The following MBNL1 variants were observed in gnomAD, a reference collection of about 807,000 sequenced individuals.
MBNL1 encodes muscleblind-like protein 1.
In MBNL1, 8 loss-of-function variants were observed where a neutral mutation model predicts 42.2. The observed-to-expected ratio is 0.19, with a 90% CI of 0.11 to 0.34. The LOEUF (loss-of-function observed/expected upper bound fraction) is 0.34. Among genes scored for constraint, MBNL1 ranks in the 10% least tolerant of loss-of-function variants. The probability of loss-of-function intolerance (pLI) is 1.00; values close to 1 mark genes in which losing one functional copy is unlikely to be tolerated. For synonymous variants in MBNL1, 169 were observed against 173.9 expected (o/e 0.97, Z 0.22); for missense variants, 309 against 495.3 (o/e 0.62, Z 3.57).
At chr3:152,286,984 C>T (rs2052808372) in intron 1 of MBNL1, among the ~76,000 whole-genome samples, 1 of 152,046 alleles carries the variant, frequency 6.6e-6, no homozygotes, top group Admixed American at 6.6e-5. Context: ...CTTTGGGAGG[C>T]CGAGGCGGGT....
At chr3:152,399,261 C>G (rs1342110642) in intron 2 of MBNL1, among the ~76,000 whole-genome samples, 1 of 152,076 alleles carries the variant, frequency 6.6e-6, no homozygotes, top group Admixed American at 6.5e-5. Context: ...GCCTGCCTTG[C>G]CTTGCCTTCT....
intron 2 of MBNL1, among the ~76,000 whole-genome samples, chr3:152,371,341 T>C (rs1034631771): frequency 9.2e-5 from 14 of 152,320 alleles, no homozygotes; most frequent in Non-Finnish European, 1.8e-4. Flanking sequence ...CTCATGTGTG[T>C]AATCCCAGCA....
chr3:152,381,910 A>G (rs971117826), intron 2 of MBNL1, among the ~76,000 whole-genome samples: 5 of 152,160 alleles, frequency 3.3e-5, no homozygotes, highest in African/African-American at 1.2e-4. Flanking sequence ...CCTATACTTC[A>G]GTTTTTCAAC....
intron 2 of MBNL1, among the ~76,000 whole-genome samples, chr3:152,376,529 TG>T (rs1640350073): frequency 6.6e-6 from 1 of 152,228 alleles, no homozygotes; most frequent in South Asian, 2.1e-4. Flanking sequence ...ATGTTTATGG[TG>T]GACAAGACTT....
In MBNL1 at chr3:152,318,069, A is replaced by C. The variant is rs192223123; in HGVS notation, c.174+17702A>C. ...TGTGTTGTTACAGGATACAGAGAAA[A>C]TTGATGGTCAACCTTAGCCTGTAGT... On this transcript the variant is annotated intron_variant, in intron 2 of 9. Transcript: ENST00000324210. 1.6e-4 allele frequency among the ~76,000 whole-genome samples: 25 copies of C among 152,316 alleles called. 1 individual carries two copies. The highest frequency in any genetic ancestry group is 1.6e-3 in the Admixed American group (25 of 15,298).
chr3:152,393,431 A>G (rs1379360281), intron 2 of MBNL1, among the ~76,000 whole-genome samples: 1 of 152,214 alleles, frequency 6.6e-6, no homozygotes, highest in Non-Finnish European at 1.5e-5. Context: ...GAATCTACCC[A>G]AGAATAGCAG....
chr3:152,438,513 T>A (rs1447332064), intron 4 of MBNL1, among the ~76,000 whole-genome samples: 1 of 152,238 alleles, frequency 6.6e-6, no homozygotes, highest in Non-Finnish European at 1.5e-5. Flanking sequence ...TTTTGAGCAC[T>A]TCAGCTATAA....
chr3:152,284,770 G>A (rs532634052), intron 1 of MBNL1, among the ~76,000 whole-genome samples: 2 of 152,018 alleles, frequency 1.3e-5, no homozygotes, highest in East Asian at 1.9e-4. Flanking sequence ...TTTTACCTAC[G>A]TGGAAGTTTT....
At chr3:152,352,603 G>A (rs1349915841) in intron 2 of MBNL1, among the ~76,000 whole-genome samples, 1 of 151,468 alleles carries the variant, frequency 6.6e-6, no homozygotes, top group Non-Finnish European at 1.5e-5. Flanking sequence ...TTTTTTTTTG[G>A]TTGTTGTTGT....
At chr3:152,322,437 C>A (rs2076999030) in intron 2 of MBNL1, among the ~76,000 whole-genome samples, 1 of 151,998 alleles carries the variant, frequency 6.6e-6, no homozygotes, top group African/African-American at 2.4e-5. Context: ...ATTGACGCAG[C>A]TCCCTTTTTG....
At chr3:152,446,361 C>A (rs2099225273) in intron 5 of MBNL1, among the ~76,000 whole-genome samples, 1 of 151,964 alleles carries the variant, frequency 6.6e-6, no homozygotes, top group Admixed American at 6.6e-5. Context: ...CGAGAGAGAT[C>A]TTTTCTGTGT....
chr3:152,281,370 C>G (rs2048372284), intron 1 of MBNL1, among the ~76,000 whole-genome samples: 1 of 152,104 alleles, frequency 6.6e-6, no homozygotes, highest in East Asian at 1.9e-4. Context: ...GATTTGGGAC[C>G]TACTCCAAGT....
intron 2 of MBNL1, among the ~76,000 whole-genome samples, chr3:152,258,056 T>C (rs1042193589): frequency 3.9e-5 from 6 of 152,166 alleles, no homozygotes; most frequent in Non-Finnish European, 5.9e-5. Context: ...TCCTACCTAA[T>C]ATAAAAACTG....
At chr3:152,295,920 T>C (rs2058364575) in intron 1 of MBNL1, among the ~76,000 whole-genome samples, 2 of 152,106 alleles carry the variant, frequency 1.3e-5, no homozygotes, top group South Asian at 2.1e-4. Flanking sequence ...ATGTATCAGT[T>C]TGTTAAAAGG....
intron 2 of MBNL1, among the ~76,000 whole-genome samples, chr3:152,380,078 A>G (rs1422694202): frequency 1.3e-5 from 2 of 152,102 alleles, no homozygotes; most frequent in East Asian, 1.9e-4. Flanking sequence ...GCTCAGTAGT[A>G]CATAACAGGT....
intron 2 of MBNL1, among the ~76,000 whole-genome samples, chr3:152,384,167 A>C (rs2097306906): frequency 6.6e-6 from 1 of 152,146 alleles, no homozygotes. Flanking sequence ...GGAAAGTTAC[A>C]CTTTGGGAAG....
rs139002226 is a variant in MBNL1 at position 152,378,774 on chromosome 3, T to C, written c.175-36167T>C. Among the ~76,000 whole-genome samples the C allele has an allele frequency of 3.4e-3, 516 of 152,272 alleles. 5 individuals are homozygous for C. The highest frequency in any genetic ancestry group is 0.011 in the African/African-American group (470 of 41,554). On this transcript the variant is annotated intron_variant, in intron 2 of 9. Coordinates refer to ENST00000324210, the MANE Select transcript of MBNL1 (RefSeq NM_021038.5). Reference sequence around the variant, plus strand: ...CCCTGCTGCCCAGGGTGGGATACAATGGTGCAATCATGGCTCACCGCAGCC... The same window carrying C: ...CCCTGCTGCCCAGGGTGGGATACAACGGTGCAATCATGGCTCACCGCAGCC...
intron 2 of MBNL1, chr3:152,302,268 G>A (rs2061020954): frequency 6.6e-6 from 1 of 151,370 alleles, no homozygotes; most frequent in African/African-American, 2.4e-5. Context: ...CTTTTTCTTT[G>A]TCTTTCTAAG....
intron 2 of MBNL1, among the ~76,000 whole-genome samples, chr3:152,316,455 CTG>C (rs548594636): frequency 1.1e-3 from 174 of 152,302 alleles, no homozygotes; most frequent in Non-Finnish European, 2.1e-3. Context: ...GGCATGCCCA[CTG>C]TGTGCAAATA....
Sources: gnomAD v4.1 joint callset for allele counts (sites outside exome capture counted in the v4.1 genomes callset) on GRCh38, gnomAD v4.1.1 for gene constraint, MANE v1.5 for transcripts, NCBI Gene and HGNC (gene_info 2026-07-23, HGNC 2026-07-21) for gene names.